The following CREBRF variants were observed in gnomAD, a reference collection of about 807,000 sequenced individuals.
CREBRF encodes the protein UPF0474 protein C5orf41.
In CREBRF, 5 loss-of-function variants were observed where a neutral mutation model predicts 66.1. The observed-to-expected ratio is 0.08, with a 90% CI of 0.04 to 0.16. The LOEUF is 0.16. Ranked by LOEUF, CREBRF falls within the 10% of genes least tolerant of loss-of-function variation. The pLI, the probability that CREBRF is intolerant of heterozygous loss-of-function variation, is 1.00. For missense variants in CREBRF, 531 were observed against 744.9 expected (o/e 0.71, Z 3.34); for synonymous variants, 229 against 264.4 (o/e 0.87, Z 1.30).
chr5:173,121,915 G>A (rs1759147715), intron 7 of CREBRF, among the ~76,000 whole-genome samples: 1 of 152,000 alleles, frequency 6.6e-6, no homozygotes, highest in Non-Finnish European at 1.5e-5. Flanking sequence ...GAGCACAGCG[G>A]CTATTCACAG....
At chr5:173,128,186 C>T (rs577037250) in intron 8 of CREBRF, among the ~76,000 whole-genome samples, 2 of 152,046 alleles carry the variant, frequency 1.3e-5, no homozygotes, top group African/African-American at 4.8e-5. Context: ...TTATTGTTTT[C>T]TGAATACTTT....
intron 1 of CREBRF, among the ~76,000 whole-genome samples, chr5:173,069,840 T>C (rs1410370283): frequency 1.3e-5 from 2 of 152,054 alleles, no homozygotes; most frequent in Non-Finnish European, 2.9e-5. Flanking sequence ...GGAATTTGAA[T>C]ATATCTCTAG....
At chr5:173,085,051 T>A (rs1313937724) in intron 2 of CREBRF, among the ~76,000 whole-genome samples, 1 of 152,174 alleles carries the variant, frequency 6.6e-6, no homozygotes, top group African/African-American at 2.4e-5. Flanking sequence ...CAAGCGATTC[T>A]CCTGCCTCAG....
At chr5:173,101,140 C>T (rs1037128296) in intron 4 of CREBRF, among the ~76,000 whole-genome samples, 1 of 152,126 alleles carries the variant, frequency 6.6e-6, no homozygotes, top group Non-Finnish European at 1.5e-5. Context: ...TAGCTTACTG[C>T]ACCCTCAATC....
chr5:173,104,701 G>A (rs1183988934), intron 4 of CREBRF, among the ~76,000 whole-genome samples: 2 of 150,678 alleles, frequency 1.3e-5, no homozygotes, highest in African/African-American at 4.9e-5. Context: ...ATGGCTTTAG[G>A]CAACAAATTC....
intron 4 of CREBRF, among the ~76,000 whole-genome samples, chr5:173,101,386 A>C (rs948656997): frequency 6.6e-6 from 1 of 151,910 alleles, no homozygotes; most frequent in Non-Finnish European, 1.5e-5. Context: ...AGCACTTTGA[A>C]TATGTTATCT....
At chr5:173,069,889 G>C (rs1286635750) in intron 1 of CREBRF, among the ~76,000 whole-genome samples, 1 of 151,644 alleles carries the variant, frequency 6.6e-6, no homozygotes, top group African/African-American at 2.4e-5. Flanking sequence ...CCAAATCTGA[G>C]AAAGGAGGAA....
chr5:173,132,713 C>T (rs574144629), intron 8 of CREBRF, among the ~76,000 whole-genome samples: 201 of 148,310 alleles, frequency 1.4e-3, no homozygotes, highest in Non-Finnish European at 2.3e-3. Context: ...AGTTCTCCTG[C>T]GTCAGCCTCC....
At chr5:173,088,469 A>G (rs1758232433) in intron 3 of CREBRF, among the ~76,000 whole-genome samples, 2 of 133,020 alleles carry the variant, frequency 1.5e-5, no homozygotes, top group Admixed American at 7.9e-5. Flanking sequence ...AGCCTGGGCA[A>G]CAAGAGCAAG....
intron 1 of CREBRF, among the ~76,000 whole-genome samples, chr5:173,064,621 A>G (rs981874693): frequency 4.7e-5 from 7 of 148,748 alleles, no homozygotes; most frequent in African/African-American, 1.5e-4. Flanking sequence ...GCGGAGTGCA[A>G]TGGCACAATC....
Position 173,091,356 on chromosome 5 carries a change from G to A in CREBRF, c.1177G>A (p.Glu393Lys), listed in dbSNP as rs1673412001. 1.9e-6 allele frequency: 3 copies of A among 1,613,764 alleles called. No individual in the cohort carries two copies. Among genetic ancestry groups the A allele is most frequent in the African/African-American group, 1.3e-5 (1 of 75,056 alleles). Residue 393 changes from glutamate to lysine, a missense_variant, in exon 4 of 9, where the codon GAA becomes AAA. By Grantham distance (56) the Glu-to-Lys change is moderately conservative. This residue lies in a region of CREBRF where 309 missense variants were observed against 341.4 expected (regional missense o/e 0.90). Transcript: ENST00000296953. The stretch of plus-strand genomic sequence containing the variant: ...GGAGGAAGAAGAGGAAGAGGATTAT[G>A]AAGATGACAAGGATGATGATATTAG... ...EEEEEEEEDY[E>K]DDKDDDISDT...
intron 8 of CREBRF, among the ~76,000 whole-genome samples, chr5:173,131,931 A>G (rs1759437533): frequency 6.6e-6 from 1 of 150,512 alleles, no homozygotes; most frequent in Non-Finnish European, 1.5e-5. Flanking sequence ...CAGGGTTTCA[A>G]CTTGTTGGCC....
chr5:173,129,405 C>T (rs970197827), intron 8 of CREBRF, among the ~76,000 whole-genome samples: 12 of 151,772 alleles, frequency 7.9e-5, no homozygotes, highest in East Asian at 1.9e-4. Flanking sequence ...CATGAGCCAC[C>T]GCGCCCGGCC....
Position 173,129,594 on chromosome 5 carries a change from G to T in CREBRF, c.1805-4036G>T, listed in dbSNP as rs895782777. ...CAAAAAGTTAGCCAGGCATGGTGAT[G>T]CGAGCCTGTAATCCCAGCTTCTCAG... On this transcript the variant is annotated intron_variant, in intron 8 of 8. Transcript: ENST00000296953. Among the ~76,000 whole-genome samples, 75 of 151,766 alleles carry T rather than the reference G, an allele frequency of 4.9e-4. 1 individual carries two copies. Among genetic ancestry groups the T allele is most frequent in the South Asian group, 2.1e-4 (1 of 4,812 alleles).
At chr5:173,125,708 C>CA (rs11331684) in intron 8 of CREBRF, among the ~76,000 whole-genome samples, 3 of 151,460 alleles carry the variant, frequency 2.0e-5, no homozygotes, top group Non-Finnish European at 2.9e-5. Flanking sequence ...ACTAAAAATA[C>CA]AAAAAAAAAG....
intron 1 of CREBRF, among the ~76,000 whole-genome samples, chr5:173,066,199 T>G (rs1757433085): frequency 1.3e-5 from 2 of 152,338 alleles, no homozygotes; most frequent in South Asian, 4.1e-4. Context: ...TGATTCCCTC[T>G]TGGGAAATCT....
chr5:173,062,771 G>A (rs1208059715), intron 1 of CREBRF, among the ~76,000 whole-genome samples: 4 of 129,278 alleles, frequency 3.1e-5, no homozygotes, highest in Non-Finnish European at 4.8e-5. Context: ...TTTTTGAGAC[G>A]GAGTCTTGCT....
intron 7 of CREBRF, among the ~76,000 whole-genome samples, chr5:173,114,735 TCAC>T (rs758635422): frequency 1.1e-3 from 168 of 152,340 alleles, no homozygotes; most frequent in Non-Finnish European, 2.0e-3. Context: ...CTGACAAAGC[TCAC>T]TGGAGACTGC....
chr5:173,133,498 T>C, intron 8 of CREBRF, 132 bp from the exon 9 acceptor site: 1 of 513,396 alleles, frequency 1.9e-6, no homozygotes, highest in Non-Finnish European at 3.5e-6. Flanking sequence ...CAATAACAAG[T>C]GCCAGGGAAT....
Sources: gnomAD v4.1 joint callset for allele counts (sites outside exome capture counted in the v4.1 genomes callset) on GRCh38, gnomAD v4.1.1 for gene constraint, gnomAD v4.1.1 regional missense constraint, MANE v1.5 for transcripts, NCBI Gene and HGNC (gene_info 2026-07-23, HGNC 2026-07-21) for gene names.